TTBK2: variants seen among roughly 807,000 people sequenced by gnomAD.
TTBK2 encodes the protein tau tubulin kinase 2, also known as tau-tubulin kinase 2.
In TTBK2, 28 loss-of-function variants were observed where a neutral mutation model predicts 110.8. The ratio of observed to expected loss-of-function variants is 0.25; its 90% confidence interval spans 0.19 to 0.35. The LOEUF (loss-of-function observed/expected upper bound fraction) is 0.35, where lower values mean the gene tolerates loss of function less well. Among genes scored for constraint, TTBK2 ranks in the 10% least tolerant of loss-of-function variants. TTBK2 has a pLI of 1.00. For missense variants in TTBK2, 1,369 were observed against 1,500.3 expected (o/e 0.91, Z 1.45); for synonymous variants, 532 against 527.3 (o/e 1.01, Z -0.12).
At chr15:42,832,840 G>A (rs1322582194) in intron 4 of TTBK2, among the ~76,000 whole-genome samples, 2 of 152,126 alleles carry the variant, frequency 1.3e-5, no homozygotes, top group African/African-American at 2.4e-5. Flanking sequence ...CCAGGGTTCA[G>A]TATGATCTGT....
At chr15:42,840,492 A>G in intron 3 of TTBK2, 59 bp from the exon 4 acceptor site, 1 of 1,466,488 alleles carries the variant, frequency 6.8e-7, no homozygotes. Flanking sequence ...TAAAAAATTA[A>G]TAATTTGCTT....
intron 4 of TTBK2, among the ~76,000 whole-genome samples, chr15:42,833,688 C>T (rs1309954453): frequency 6.6e-6 from 1 of 151,946 alleles, no homozygotes; most frequent in Non-Finnish European, 1.5e-5. Context: ...GCCTGGGCAA[C>T]ATACTGAGAC....
chr15:42,741,813 C>T lies in TTBK2; in HGVS notation c.*3982G>A, dbSNP rs533560651. 4 of 152,190 alleles carry T rather than the reference C, an allele frequency of 2.6e-5. No individual in the cohort carries two copies. The South Asian group carries it at 8.3e-4, about 32-fold the overall frequency. 9.4% of individuals were successfully genotyped at this position (152,190 alleles called of 1,614,324 possible). On this transcript the variant is annotated 3_prime_UTR_variant, in exon 15 of 15. Coordinates refer to ENST00000267890, the MANE Select transcript of TTBK2 (RefSeq NM_173500.4). ...TTTCACCGAGTCTCACTAAATCATT[C>T]TGAATTCTGGATCCTGCTTCTCGTA... is the stretch of plus-strand genomic sequence containing the variant.
chr15:42,872,545 G>A (rs933062345), intron 3 of TTBK2, 66 bp downstream of exon 3: 3 of 1,560,454 alleles, frequency 1.9e-6, no homozygotes, highest in Non-Finnish European at 2.6e-6. Context: ...TTAAGGTTCA[G>A]GAAGATACAA....
chr15:42,779,253 C>T (rs930998208), intron 11 of TTBK2, among the ~76,000 whole-genome samples: 4 of 151,804 alleles, frequency 2.6e-5, no homozygotes, highest in Admixed American at 6.6e-5. Context: ...AAAATACACA[C>T]AAAAAATTAG....
chr15:42,884,434 T>A (rs1322272896), intron 1 of TTBK2, among the ~76,000 whole-genome samples: 1 of 152,194 alleles, frequency 6.6e-6, no homozygotes, highest in Non-Finnish European at 1.5e-5. Flanking sequence ...TAATATTTGG[T>A]TTTTATACTC....
intron 1 of TTBK2, among the ~76,000 whole-genome samples, chr15:42,895,277 T>G (rs944288440): frequency 6.6e-6 from 1 of 152,112 alleles, no homozygotes; most frequent in Non-Finnish European, 1.5e-5. Context: ...GCTACAGTAA[T>G]CAGATCAGTG....
At position 42,775,274 on chromosome 15, in the gene TTBK2, A is replaced by G. The variant is rs1889858145; in HGVS notation, c.1859T>C (p.Leu620Pro). The change falls in exon 13 of 15, where the codon CTT (leucine) becomes CCT (proline). Residue 620 changes from leucine (L) to proline (P), a missense_variant. Around this residue, in one of 4 missense-constraint regions of TTBK2, gnomAD observed 1,097 missense variants for 1,114.7 expected, o/e 0.98. Coordinates refer to ENST00000267890, the MANE Select transcript of TTBK2 (RefSeq NM_173500.4). Reference protein sequence around the residue: ...KKETSGVVLALSAEGPPTAAS... With the variant: ...KKETSGVVLAPSAEGPPTAAS... ...AGCAGTAGGAGGACCCTCTGCAGAAAGTGCTAAGACCACACCTGAGGTTTC... is the reference window on the plus strand; with the variant it reads ...AGCAGTAGGAGGACCCTCTGCAGAAGGTGCTAAGACCACACCTGAGGTTTC... 2.5e-6 allele frequency: 4 copies of G among 1,614,114 alleles called. No individual in the cohort carries two copies. The highest frequency in any genetic ancestry group is 3.4e-6 in the Non-Finnish European group (4 of 1,180,048).
At chr15:42,831,184 TCA>T (rs914053100) in intron 4 of TTBK2, among the ~76,000 whole-genome samples, 2 of 151,980 alleles carry the variant, frequency 1.3e-5, no homozygotes, top group African/African-American at 4.8e-5. Context: ...AAAACCTACC[TCA>T]CAGAGCTCTG....
intron 1 of TTBK2, among the ~76,000 whole-genome samples, chr15:42,907,389 T>TG (rs1164696685): frequency 1.3e-5 from 2 of 152,232 alleles, no homozygotes; most frequent in Admixed American, 6.5e-5. Flanking sequence ...CCATGTTTAT[T>TG]GCAGCACTAT....
chr15:42,766,445 G>GAAAAAAAAAAAAAAAAAA (rs1424460257), intron 13 of TTBK2, among the ~76,000 whole-genome samples: 15 of 15,152 alleles, frequency 9.9e-4, no homozygotes, highest in African/African-American at 4.8e-3. Context: ...CGAATGGAAA[G>GAAAAAAAAAAAAAAAAAA]CAAAAAAAAA....
chr15:42,884,686 A>C (rs1895174615), intron 1 of TTBK2, among the ~76,000 whole-genome samples: 1 of 152,210 alleles, frequency 6.6e-6, no homozygotes, highest in Admixed American at 6.5e-5. Context: ...CCAATGGCTA[A>C]TGGTTTAATC....
At chr15:42,795,098 T>C (rs902693836) in intron 9 of TTBK2, among the ~76,000 whole-genome samples, 3 of 152,232 alleles carry the variant, frequency 2.0e-5, no homozygotes, top group African/African-American at 4.8e-5. Context: ...TGTAAGTGTA[T>C]ATGTTTGTGC....
intron 1 of TTBK2, among the ~76,000 whole-genome samples, chr15:42,901,362 GA>G (rs879631188): frequency 4.5e-4 from 64 of 142,058 alleles, no homozygotes; most frequent in South Asian, 4.4e-4. Context: ...ACTCCGTCTT[GA>G]AAAAAAAAAA....
chr15:42,867,817 C>T (rs1290582327), intron 3 of TTBK2, among the ~76,000 whole-genome samples: 4 of 152,160 alleles, frequency 2.6e-5, no homozygotes, highest in Non-Finnish European at 5.9e-5. Flanking sequence ...TCAAATCCAG[C>T]AATAATGCTC....
Position 42,743,451 on chromosome 15 carries a change from TA to T in TTBK2, c.*2343del, listed in dbSNP as rs1437194881. On this transcript the variant is annotated 3_prime_UTR_variant, in exon 15 of 15. Transcript: ENST00000267890. ...TGATTACTACTAGCATATTTCCGAC[TA>T]AAGGGGTCAGGATTTAAAGCTAGCT... is the stretch of plus-strand genomic sequence containing the variant. The T allele has an allele frequency of 6.6e-6, 1 of 152,216 alleles. No homozygotes were observed. The highest frequency in any genetic ancestry group is 1.5e-5 in the Non-Finnish European group (1 of 68,036). The allele number at this position is 152,216 out of a possible 1,614,324, so 9.4% of individuals were successfully genotyped here. A position where few individuals can be genotyped will look rare whatever the true frequency, so the allele number is the denominator to read the frequency against.
At position 42,777,048 on chromosome 15, in the gene TTBK2, G is replaced by A. The variant is rs1292815947; in HGVS notation, c.1392C>T (p.Asp464=). ...TTTTATACCAGGTCTCAAGGAACTT[G>A]TCAGTGTCTGGCTTTGGCTCCAGGG... ...RLTLEPKPDT[D]KFLETCLEKM... Residue 464 remains aspartate (D), a synonymous_variant, in exon 12 of 15, where the codon GAC becomes GAT. Coordinates refer to ENST00000267890, the MANE Select transcript of TTBK2 (RefSeq NM_173500.4). 1 of 1,613,988 alleles carries A rather than the reference G, an allele frequency of 6.2e-7. No homozygotes were observed. The highest frequency in any genetic ancestry group is 8.5e-7 in the Non-Finnish European group (1 of 1,179,976).
rs756990261 is a variant in TTBK2 at position 42,783,514 on chromosome 15, A to G, written c.1102T>C (p.Leu368=). Residue 368 remains leucine, a synonymous_variant, in exon 11 of 15, where the codon TTG becomes CTG. Coordinates refer to ENST00000267890, the MANE Select transcript of TTBK2 (RefSeq NM_173500.4). ...CGGGGGTGTCCCAGAGATCCAGGCA[A>G]TTTATCTGGTGACACACCAACAGGG... The part of the protein sequence containing the change: ...GIPVGVSPDK[L]PGSLGHPRPQ... The G allele has an allele frequency of 3.1e-6, 5 of 1,614,022 alleles. No homozygotes were observed. The highest frequency in any genetic ancestry group is 1.3e-5 in the African/African-American group (1 of 74,908).
intron 4 of TTBK2, among the ~76,000 whole-genome samples, chr15:42,831,340 T>G (rs1027776544): frequency 6.6e-6 from 1 of 152,124 alleles, no homozygotes; most frequent in Non-Finnish European, 1.5e-5. Flanking sequence ...GGATTACAGG[T>G]GTGAGCCACC....
Sources: gnomAD v4.1 joint callset for allele counts (sites outside exome capture counted in the v4.1 genomes callset) on GRCh38, gnomAD v4.1.1 for gene constraint, gnomAD v4.1.1 regional missense constraint, MANE v1.5 for transcripts, NCBI Gene and HGNC (gene_info 2026-07-23, HGNC 2026-07-21) for gene names.